Variants in DPYD observed in about 807,000 individuals in gnomAD.
The protein encoded by DPYD is dihydropyrimidine dehydrogenase [NADP(+)].
A neutral mutation model predicts 116.2 loss-of-function variants in DPYD; 109 were observed. That is an observed-to-expected ratio of 0.94 (90% CI 0.80 to 1.10). The LOEUF (loss-of-function observed/expected upper bound fraction) is 1.10, where lower values mean the gene tolerates loss of function less well. DPYD is among the 50% of genes least tolerant of loss of function. DPYD has a pLI of 0.00. For synonymous variants in DPYD, 440 were observed against 432.0 expected (o/e 1.02, Z -0.23); for missense variants, 1,302 against 1,254.5 (o/e 1.04, Z -0.57).
chr1:97,546,021 A>T, intron 12 of DPYD: 1 of 1,374,532 alleles, frequency 7.3e-7, no homozygotes, highest in South Asian at 1.2e-5. Flanking sequence ...TGTGACCATG[A>T]ATATAAAATC....
At chr1:97,284,570 T>C (rs529050820) in intron 18 of DPYD, among the ~76,000 whole-genome samples, 38 of 152,234 alleles carry the variant, frequency 2.5e-4, no homozygotes, top group Admixed American at 2.2e-3. Context: ...CAGCAATTAA[T>C]ATAAAATTAA....
Position 97,450,138 on chromosome 1 carries a change from T to C in DPYD, c.1826A>G (p.Asn609Ser), listed in dbSNP as rs763572567. Reference protein sequence around the residue: ...MYGPGQSSFLNIELISEKTAA... With the variant: ...MYGPGQSSFLSIELISEKTAA... The stretch of plus-strand genomic sequence containing the variant: ...CGTTTTCTCACTGATGAGCTCAATA[T>C]TCAGAAAGGAGCTTTGTCCAGGGCC... Residue 609 changes from asparagine to serine, a missense_variant, in exon 14 of 23, where the codon AAT becomes AGT. Coordinates refer to ENST00000370192, the MANE Select transcript of DPYD (RefSeq NM_000110.4). 2 of 1,613,850 alleles carry C rather than the reference T, an allele frequency of 1.2e-6. No individual in the cohort carries two copies. The highest frequency in any genetic ancestry group is 1.7e-6 in the Non-Finnish European group (2 of 1,179,910).
intron 12 of DPYD, among the ~76,000 whole-genome samples, chr1:97,544,352 T>C (rs905545158): frequency 3.3e-5 from 5 of 152,188 alleles, no homozygotes; most frequent in African/African-American, 9.6e-5. Flanking sequence ...GATTTTTACC[T>C]ACCTTCCATC....
Position 97,234,834 on chromosome 1 carries a change from G to A in DPYD, c.2442+18C>T, listed in dbSNP as rs1251148651. Reference sequence around the variant, plus strand: ...GAGATGGAGATTTTTAAAAGGGACAGACAAACACAATGACTACCTGGAGGA... The same window carrying A: ...GAGATGGAGATTTTTAAAAGGGACAAACAAACACAATGACTACCTGGAGGA... On this transcript the variant is annotated intron_variant, in intron 19 of 22. Coordinates refer to ENST00000370192, the MANE Select transcript of DPYD (RefSeq NM_000110.4). 6.2e-7 allele frequency: 1 copy of A among 1,613,532 alleles called. No homozygotes were observed. Among genetic ancestry groups the A allele is most frequent in the Non-Finnish European group, 8.5e-7 (1 of 1,179,834 alleles).
rs183791455 is a variant in DPYD at position 97,809,243 on chromosome 1, T to C, written c.233+18871A>G. Among the ~76,000 whole-genome samples the C allele has an allele frequency of 2.6e-5, 4 of 152,306 alleles. No homozygotes were observed. In the East Asian group the frequency reaches 7.7e-4, roughly 29 times the overall value. On this transcript the variant is annotated intron_variant, in intron 3 of 22. Transcript: ENST00000370192. The stretch of plus-strand genomic sequence containing the variant: ...CTTCAACCATGACTGCATTCTGAAA[T>C]TATCTGCAATGGGATGCTTCAAAAA...
chr1:97,203,644 A>T, intron 19 of DPYD, among the ~76,000 whole-genome samples: 1 of 138,052 alleles, frequency 7.2e-6, no homozygotes, highest in African/African-American at 3.1e-5. Flanking sequence ...TAAAAAAAAT[A>T]ATAAAGGATG....
At chr1:97,543,778 T>C (rs982216521) in intron 12 of DPYD, among the ~76,000 whole-genome samples, 3 of 152,230 alleles carry the variant, frequency 2.0e-5, no homozygotes, top group African/African-American at 7.2e-5. Flanking sequence ...TCCTATGTAA[T>C]AGATGAATAC....
intron 20 of DPYD, among the ~76,000 whole-genome samples, chr1:97,130,261 A>G (rs1653173529): frequency 6.6e-6 from 1 of 152,196 alleles, no homozygotes; most frequent in Non-Finnish European, 1.5e-5. Flanking sequence ...ACGAGTGAGA[A>G]AAGAAAGTAT....
At chr1:97,880,957 A>G (rs1042629430) in intron 2 of DPYD, among the ~76,000 whole-genome samples, 4 of 152,034 alleles carry the variant, frequency 2.6e-5, no homozygotes, top group Admixed American at 2.6e-4. Flanking sequence ...GATTTCCCCT[A>G]CATTTGTCTC....
chr1:97,897,315 C>T (rs776729568), intron 1 of DPYD, among the ~76,000 whole-genome samples: 2 of 151,892 alleles, frequency 1.3e-5, no homozygotes, highest in Non-Finnish European at 2.9e-5. Context: ...CCTCTAGCCG[C>T]TCTGAAGATA....
At chr1:97,344,719 C>T (rs185008965) in intron 16 of DPYD, among the ~76,000 whole-genome samples, 15 of 151,866 alleles carry the variant, frequency 9.9e-5, no homozygotes, top group African/African-American at 3.6e-4. Flanking sequence ...TGTGTACATG[C>T]CATAAGTTAC....
chr1:97,534,290 A>C (rs1399097151), intron 12 of DPYD, among the ~76,000 whole-genome samples: 3 of 152,086 alleles, frequency 2.0e-5, no homozygotes, highest in African/African-American at 7.2e-5. Context: ...AATAAGGTAA[A>C]ATTTTGAGTA....
chr1:97,877,382 G>A (rs1483535276), intron 2 of DPYD, among the ~76,000 whole-genome samples: 3 of 151,762 alleles, frequency 2.0e-5, no homozygotes, highest in East Asian at 2.0e-4. Flanking sequence ...GACAAGCAGG[G>A]AAAAATGAAT....
intron 21 of DPYD, among the ~76,000 whole-genome samples, chr1:97,090,363 A>C (rs1392610407): frequency 6.6e-6 from 1 of 152,134 alleles, no homozygotes; most frequent in African/African-American, 2.4e-5. Context: ...TAGCTGTGTG[A>C]CCTTAGGAAA....
chr1:97,603,258 G>C (rs1455491738), intron 8 of DPYD, among the ~76,000 whole-genome samples: 1 of 151,878 alleles, frequency 6.6e-6, no homozygotes, highest in African/African-American at 2.4e-5. Flanking sequence ...CCAAAGTAAA[G>C]AAATCATTAA....
intron 4 of DPYD, among the ~76,000 whole-genome samples, chr1:97,724,952 A>AC (rs1491244892): frequency 3.1e-5 from 3 of 97,576 alleles, no homozygotes; most frequent in Non-Finnish European, 4.4e-5. Context: ...GGAGGGAAGG[A>AC]AAGAGAGAGA....
chr1:97,478,033 T>C (rs1678083114), intron 13 of DPYD, among the ~76,000 whole-genome samples: 1 of 152,214 alleles, frequency 6.6e-6, no homozygotes, highest in Non-Finnish European at 1.5e-5. Context: ...TAATAAGACT[T>C]GAAAGTCAAA....
At chr1:97,087,125 C>T (rs1318653178) in intron 21 of DPYD, among the ~76,000 whole-genome samples, 2 of 152,128 alleles carry the variant, frequency 1.3e-5, no homozygotes, top group Non-Finnish European at 2.9e-5. Context: ...TGTAGGATTC[C>T]TTTGGGGTTA....
intron 3 of DPYD, among the ~76,000 whole-genome samples, chr1:97,750,970 T>G (rs990977788): frequency 1.8e-4 from 27 of 152,038 alleles, no homozygotes; most frequent in African/African-American, 6.3e-4. Context: ...CTGAGGTGGA[T>G]GAAAAGAATA....
Sources: allele counts gnomAD v4.1 joint callset (sites outside exome capture counted in the v4.1 genomes callset), GRCh38; gene constraint gnomAD v4.1.1; transcripts MANE v1.5; gene names NCBI Gene and HGNC (gene_info 2026-07-23, HGNC 2026-07-21).